STPG2: variants seen among roughly 807,000 people sequenced by gnomAD.
STPG2 encodes sperm-tail PG-rich repeat-containing protein 2.
Under a neutral mutation model 54.2 loss-of-function variants are expected in STPG2, and 56 were observed. The observed-to-expected ratio is 1.03, with a 90% CI of 0.83 to 1.29. The LOEUF (loss-of-function observed/expected upper bound fraction) is 1.29, where lower values mean the gene tolerates loss of function less well. Ranked by LOEUF, STPG2 falls within the 50% of genes most tolerant of loss-of-function variation. The pLI is 0.00. For synonymous variants in STPG2, 200 were observed against 181.8 expected, an observed-to-expected ratio of 1.10 and a Z score of -0.81; for missense variants, 596 against 544.9, an observed-to-expected ratio of 1.09 and a Z score of -0.93.
At chr4:97,573,695 A>G (rs777278929) in intron 10 of STPG2, among the ~76,000 whole-genome samples, 20 of 152,278 alleles carry the variant, frequency 1.3e-4, no homozygotes, top group African/African-American at 4.6e-4. Flanking sequence ...AATGTCCTCA[A>G]TATCTACATA....
chr4:97,733,045 A>G (rs1359986425), intron 9 of STPG2, among the ~76,000 whole-genome samples: 1 of 152,194 alleles, frequency 6.6e-6, no homozygotes, highest in Admixed American at 6.5e-5. Context: ...TTAAAGAGTT[A>G]AGAGTAGATC....
At chr4:97,734,169 A>G (rs1322464154) in intron 9 of STPG2, among the ~76,000 whole-genome samples, 1 of 152,152 alleles carries the variant, frequency 6.6e-6, no homozygotes, top group African/African-American at 2.4e-5. Flanking sequence ...TACTGTATTA[A>G]GGAATATTCC....
At chr4:97,630,263 G>C (rs1173999083) in intron 10 of STPG2, among the ~76,000 whole-genome samples, 1 of 151,754 alleles carries the variant, frequency 6.6e-6, no homozygotes, top group East Asian at 1.9e-4. Flanking sequence ...TAATTTCCTA[G>C]AGTTATTATT....
chr4:97,929,842 G>A (rs2658477), intron 8 of STPG2, among the ~76,000 whole-genome samples: 64,305 of 151,934 alleles, frequency 0.42, 14,093 homozygotes, highest in Admixed American at 0.53. Context: ...TCACTCTGTT[G>A]ATAGTTTCCT....
chr4:97,462,736 A>G (rs564472431), intron 4 of STPG2, among the ~76,000 whole-genome samples: 20 of 152,002 alleles, frequency 1.3e-4, no homozygotes, highest in African/African-American at 4.3e-4. Flanking sequence ...TTGTTCACTG[A>G]CTGTGCTAAA....
chr4:98,142,520 C>CTTTTAACAT (rs1740327306), intron 1 of STPG2, among the ~76,000 whole-genome samples: 1 of 151,882 alleles, frequency 6.6e-6, no homozygotes, highest in Admixed American at 6.6e-5. Context: ...AAAAGGGGCT[C>CTTTTAACAT]CCCTGAAGTG....
intron 4 of STPG2, among the ~76,000 whole-genome samples, chr4:97,462,702 A>G (rs1174224184): frequency 6.6e-6 from 1 of 151,922 alleles, no homozygotes; most frequent in African/African-American, 2.4e-5. Context: ...TTTGTTGCTG[A>G]TAGCTATAAA....
chr4:97,736,591 G>A (rs868252125), intron 9 of STPG2, among the ~76,000 whole-genome samples: 8 of 152,104 alleles, frequency 5.3e-5, no homozygotes, highest in African/African-American at 9.7e-5. Context: ...CTATGCCCAC[G>A]GAGTCTCACT....
chr4:97,572,455 A>G (rs1732624187), intron 10 of STPG2, among the ~76,000 whole-genome samples: 1 of 152,180 alleles, frequency 6.6e-6, no homozygotes. Flanking sequence ...ATCTCATATA[A>G]GAACAGTTTT....
intron 7 of STPG2, among the ~76,000 whole-genome samples, chr4:97,964,701 A>G (rs1319912210): frequency 6.6e-6 from 1 of 152,194 alleles, no homozygotes; most frequent in Non-Finnish European, 1.5e-5. Context: ...ATTGTTACAC[A>G]TATTTTTTCT....
At chr4:97,750,380 A>G in intron 9 of STPG2, among the ~76,000 whole-genome samples, 1 of 151,838 alleles carries the variant, frequency 6.6e-6, no homozygotes, top group East Asian at 1.9e-4. Context: ...TTCATTTCAA[A>G]GGATGCTTGC....
At chr4:97,484,209 A>T (rs1053320238) in intron 4 of STPG2, among the ~76,000 whole-genome samples, 10 of 151,768 alleles carry the variant, frequency 6.6e-5, no homozygotes, top group Admixed American at 5.9e-4. Context: ...GAAGAAAGGA[A>T]ACATGAAAAT....
chr4:97,938,195 G>T (rs1360535399), intron 8 of STPG2, among the ~76,000 whole-genome samples: 2 of 152,190 alleles, frequency 1.3e-5, no homozygotes, highest in East Asian at 3.9e-4. Flanking sequence ...ATGCTGCGCT[G>T]TGGGGAATAT....
intron 10 of STPG2, among the ~76,000 whole-genome samples, chr4:97,696,016 C>G (rs1224171517): frequency 1.3e-5 from 2 of 151,902 alleles, no homozygotes; most frequent in African/African-American, 4.8e-5. Flanking sequence ...AAAAAAAAAC[C>G]TAAATTTCAT....
intron 10 of STPG2, among the ~76,000 whole-genome samples, chr4:97,657,822 A>G (rs967589282): frequency 5.9e-5 from 9 of 152,224 alleles, no homozygotes; most frequent in South Asian, 2.1e-4. Context: ...ATGTTATGCA[A>G]AGACATGATT....
chr4:98,090,168 T>C (rs10856936), intron 5 of STPG2, among the ~76,000 whole-genome samples: 59,501 of 151,964 alleles, frequency 0.39, 11,879 homozygotes, highest in Middle Eastern at 0.46. Context: ...TTTCCTAGAA[T>C]TTTTATGGTT....
At chr4:97,933,838 C>T (rs1732642521) in intron 8 of STPG2, among the ~76,000 whole-genome samples, 1 of 152,148 alleles carries the variant, frequency 6.6e-6, no homozygotes, top group South Asian at 2.1e-4. Flanking sequence ...ATTGTCTTGG[C>T]TGTACGGGCT....
At chr4:97,990,591 T>G (rs1527519) in intron 5 of STPG2, among the ~76,000 whole-genome samples, 134,418 of 152,108 alleles carry the variant, frequency 0.88, 59,808 homozygotes, top group African/African-American at 0.98. Flanking sequence ...AAGCCCCACA[T>G]ATGATTCTCA....
chr4:98,127,134 AT>A (rs1739854342), intron 3 of STPG2, among the ~76,000 whole-genome samples: 1 of 152,098 alleles, frequency 6.6e-6, no homozygotes, highest in Admixed American at 6.5e-5. Context: ...TGAAGGTTTA[AT>A]GTTTATTGTG....
Sources: allele counts gnomAD v4.1 joint callset (sites outside exome capture counted in the v4.1 genomes callset), GRCh38; gene constraint gnomAD v4.1.1; transcripts MANE v1.5; gene names NCBI Gene and HGNC (gene_info 2026-07-23, HGNC 2026-07-21).